The following CES5A variants were observed in gnomAD, a reference collection of about 807,000 sequenced individuals.
The protein encoded by CES5A is carboxylesterase 5.
In CES5A, 67 loss-of-function variants were observed where a neutral mutation model predicts 62.9. The ratio of observed to expected loss-of-function variants is 1.07; its 90% CI spans 0.88 to 1.31. The LOEUF (loss-of-function observed/expected upper bound fraction) is 1.31, where lower values mean the gene tolerates loss of function less well. Among genes scored for constraint, CES5A ranks in the 50% most tolerant of loss-of-function variants. The pLI is 0.00. For missense variants in CES5A, 748 were observed against 708.5 expected, an observed-to-expected ratio of 1.06 and a Z score of -0.63; for synonymous variants, 296 against 280.8, an observed-to-expected ratio of 1.05 and a Z score of -0.54.
chr16:55,852,486 G>GTCGAT (rs1460315435), intron 10 of CES5A, among the ~76,000 whole-genome samples: 2 of 152,188 alleles, frequency 1.3e-5, no homozygotes, highest in African/African-American at 4.8e-5. Flanking sequence ...ATTTAAAATA[G>GTCGAT]TTGATTTAAA....
intron 1 of CES5A, 78 bp from the exon 2 acceptor site, chr16:55,874,115 A>C (rs979050952): frequency 7.7e-7 from 1 of 1,294,236 alleles, no homozygotes. Context: ...GGAGCTCCCC[A>C]GTGGGGATGT....
At chr16:55,936,373 C>G (rs1482690749) in intron 2 of CES5A, among the ~76,000 whole-genome samples, 1 of 152,194 alleles carries the variant, frequency 6.6e-6, no homozygotes, top group Non-Finnish European at 1.5e-5. Context: ...ACTGGAAAAT[C>G]CATTTGAGGA....
chr16:55,863,345 T>C lies in CES5A; in HGVS notation c.810+3A>G, dbSNP rs199821770. The C allele has an allele frequency of 3.2e-5, 46 of 1,450,914 alleles. 1 individual carries two copies. Among genetic ancestry groups the C allele is most frequent in the Admixed American group, 2.0e-4 (12 of 59,812 alleles). 89.9% of individuals were successfully genotyped at this position (1,450,914 alleles called of 1,614,324 possible). ...GGTGGCAAGGTGTTAACAGTATACG[T>C]ACGTCCTCACTCTTCTCATAATCAT... On this transcript the variant is annotated splice_donor_region_variant and intron_variant, in intron 6 of 12. Transcript: ENST00000290567.
At chr16:55,882,299 T>C (rs573732315) in intron 1 of CES5A, among the ~76,000 whole-genome samples, 1 of 152,304 alleles carries the variant, frequency 6.6e-6, no homozygotes, top group South Asian at 2.1e-4. Flanking sequence ...CATGGTCACT[T>C]GGTGTCCATG....
intron 2 of CES5A, among the ~76,000 whole-genome samples, chr16:55,949,421 G>T (rs1344593677): frequency 1.3e-5 from 2 of 152,224 alleles, no homozygotes; most frequent in African/African-American, 4.8e-5. Flanking sequence ...ATAGCTGCAA[G>T]CTGTACCACT....
intron 1 of CES5A, among the ~76,000 whole-genome samples, chr16:55,901,654 G>A (rs1446176594): frequency 6.6e-6 from 1 of 152,102 alleles, no homozygotes; most frequent in African/African-American, 2.4e-5. Flanking sequence ...CTGGTGCACT[G>A]AGCACCAGCC....
chr16:55,943,740 T>G (rs2034467182), intron 2 of CES5A, among the ~76,000 whole-genome samples: 1 of 152,140 alleles, frequency 6.6e-6, no homozygotes, highest in Admixed American at 6.5e-5. Context: ...CAGTGCAGGC[T>G]CCAGGCACCA....
chr16:55,904,878 A>G (rs1359896505), intron 1 of CES5A, among the ~76,000 whole-genome samples: 2 of 152,114 alleles, frequency 1.3e-5, no homozygotes, highest in Non-Finnish European at 2.9e-5. Flanking sequence ...CCCCTACATC[A>G]GTCTAGAAGA....
At chr16:55,896,325 A>G (rs546310262) in intron 1 of CES5A, among the ~76,000 whole-genome samples, 1 of 152,290 alleles carries the variant, frequency 6.6e-6, no homozygotes, top group South Asian at 2.1e-4. Flanking sequence ...TATGGGAGCT[A>G]CAGTTCAAGA....
chr16:55,935,109 A>G (rs1386337718), intron 2 of CES5A, among the ~76,000 whole-genome samples: 4 of 151,976 alleles, frequency 2.6e-5, no homozygotes, highest in Admixed American at 6.6e-5. Flanking sequence ...CGCTTGGCTA[A>G]TTTTTGTATT....
intron 1 of CES5A, among the ~76,000 whole-genome samples, chr16:55,894,029 G>T (rs1416237233): frequency 6.6e-6 from 1 of 151,964 alleles, no homozygotes; most frequent in Non-Finnish European, 1.5e-5. Context: ...AATAAGAATG[G>T]TGTCTATTTT....
Position 55,871,627 on chromosome 16 carries a change from G to GGA in CES5A, c.413_414dup (p.Pro139SerfsTer40), listed in dbSNP as rs1233380972. 2 of 1,614,056 alleles carry GGA rather than the reference G, an allele frequency of 1.2e-6. No individual in the cohort carries two copies. Among genetic ancestry groups the GGA allele is most frequent in the Non-Finnish European group, 1.7e-6 (2 of 1,179,990 alleles). On this transcript the variant is annotated frameshift_variant, in exon 3 of 13. Transcript: ENST00000290567. LOFTEE classifies it high-confidence loss of function. ...AAGCACACAGCAGGCAGCCTTACGG[G>GGA]GAGCTTGGAGCCTGTATCGGCGTGG...
intron 2 of CES5A, 144 bp from the exon 3 acceptor site, chr16:55,871,907 G>T: frequency 1.4e-6 from 1 of 736,376 alleles, no homozygotes. Flanking sequence ...GTCCAATCAT[G>T]CCCAAACCCC....
At position 55,882,710 on chromosome 16, in the gene CES5A, G is replaced by C. The variant is rs138528841; in HGVS notation, c.-255-8673C>G. Among the ~76,000 whole-genome samples, 7 of 152,338 alleles carry C rather than the reference G, an allele frequency of 4.6e-5. No individual in the cohort carries two copies. The East Asian group carries it at 1.4e-3, about 29-fold the overall frequency. ...TCCTTCTTTTTAGCAAGAGTTGCAA[G>C]ACAGTTAGATTTTTCTTCTACTTTA... On this transcript the variant is annotated intron_variant, in intron 1 of 12. Transcript: ENST00000518005.
At chr16:55,948,240 G>A (rs999647380) in intron 2 of CES5A, among the ~76,000 whole-genome samples, 5 of 151,978 alleles carry the variant, frequency 3.3e-5, no homozygotes, top group African/African-American at 4.8e-5. Flanking sequence ...GGAAAAGATG[G>A]GCAGGCCGAG....
intron 2 of CES5A, among the ~76,000 whole-genome samples, chr16:55,930,788 G>T (rs1020379779): frequency 6.6e-6 from 1 of 152,166 alleles, no homozygotes; most frequent in Admixed American, 6.5e-5. Context: ...CAGAGAGATT[G>T]GGCCTGTATG....
At chr16:55,889,768 G>A (rs1027401556) in intron 1 of CES5A, among the ~76,000 whole-genome samples, 1 of 151,942 alleles carries the variant, frequency 6.6e-6, no homozygotes, top group Non-Finnish European at 1.5e-5. Flanking sequence ...TAATCACATG[G>A]TTGGTTCCCT....
At chr16:55,931,629 C>G (rs531341793) in intron 2 of CES5A, among the ~76,000 whole-genome samples, 1 of 152,178 alleles carries the variant, frequency 6.6e-6, no homozygotes, top group Non-Finnish European at 1.5e-5. Flanking sequence ...CTAAAAGGCC[C>G]TTCTCTTAAT....
chr16:55,953,289 A>G (rs78408001), intron 1 of CES5A, among the ~76,000 whole-genome samples: 1,707 of 152,338 alleles, frequency 0.011, 50 homozygotes, highest in East Asian at 0.095. Flanking sequence ...AAAGATGTCT[A>G]TAATCACTAT....
Sources: allele counts gnomAD v4.1 joint callset (sites outside exome capture counted in the v4.1 genomes callset), GRCh38; gene constraint gnomAD v4.1.1; transcripts MANE v1.5; gene names NCBI Gene and HGNC (gene_info 2026-07-23, HGNC 2026-07-21).